TPRG1: variants seen among roughly 807,000 people sequenced by gnomAD.
TPRG1 encodes the protein tumor protein p63 regulated 1.
TPRG1 carries 29 observed loss-of-function variants against 29.3 expected under a neutral mutation model. The ratio of observed to expected loss-of-function variants is 0.99; its 90% CI spans 0.74 to 1.35. The LOEUF is 1.35. TPRG1 is among the 40% of genes most tolerant of loss of function. The probability of loss-of-function intolerance (pLI) is 0.00; values close to 1 mark genes in which losing one functional copy is unlikely to be tolerated. For missense variants in TPRG1, 327 were observed against 335.0 expected (o/e 0.98, Z 0.19); for synonymous variants, 130 against 116.8 (o/e 1.11, Z -0.73).
At chr3:189,187,333 G>C (rs1413191458) in intron 1 of TPRG1, among the ~76,000 whole-genome samples, 1 of 151,060 alleles carries the variant, frequency 6.6e-6, no homozygotes, top group East Asian at 2.0e-4. Context: ...TTGAGATGGA[G>C]TCTCACTCTG....
At chr3:189,214,958 A>AGTTAT (rs1735801643) in intron 2 of TPRG1, among the ~76,000 whole-genome samples, 1 of 136,646 alleles carries the variant, frequency 7.3e-6, no homozygotes, top group Admixed American at 8.5e-5. Context: ...AAAAGGTTTA[A>AGTTAT]TTTAAAAATG....
chr3:189,133,729 A>T (rs1175317390), intron 3 of TPRG1, among the ~76,000 whole-genome samples: 2 of 152,206 alleles, frequency 1.3e-5, no homozygotes, highest in African/African-American at 4.8e-5. Context: ...ACAAACTAAC[A>T]CATGGCTCCT....
At chr3:189,018,173 T>C (rs1173492106) in intron 3 of TPRG1, among the ~76,000 whole-genome samples, 7 of 150,758 alleles carry the variant, frequency 4.6e-5, no homozygotes, top group Admixed American at 1.3e-4. Context: ...TCTCCCATTT[T>C]GTAGGTTGCC....
At chr3:189,162,253 A>G (rs925594160) in intron 5 of TPRG1, among the ~76,000 whole-genome samples, 2 of 152,154 alleles carry the variant, frequency 1.3e-5, no homozygotes, top group African/African-American at 4.8e-5. Flanking sequence ...TCAGCCTCCC[A>G]AAGTGCTGGG....
At chr3:189,005,039 G>C (rs997527016) in intron 3 of TPRG1, among the ~76,000 whole-genome samples, 2 of 152,008 alleles carry the variant, frequency 1.3e-5, no homozygotes, top group South Asian at 2.1e-4. Context: ...ATATTTATGG[G>C]ATCTAAAAAT....
At chr3:189,205,577 A>G (rs1303809466) in intron 1 of TPRG1, among the ~76,000 whole-genome samples, 1 of 152,242 alleles carries the variant, frequency 6.6e-6, no homozygotes, top group Admixed American at 6.5e-5. Context: ...CTTTTGTTTC[A>G]CAAGAACCAA....
At chr3:189,184,190 C>T (rs986910632) in intron 1 of TPRG1, among the ~76,000 whole-genome samples, 2 of 152,122 alleles carry the variant, frequency 1.3e-5, no homozygotes, top group African/African-American at 4.8e-5. Flanking sequence ...TGACCCTGGG[C>T]AAGCTCCTTA....
intron 2 of TPRG1, among the ~76,000 whole-genome samples, chr3:189,128,193 C>T (rs1034468681): frequency 3.9e-5 from 6 of 152,146 alleles, no homozygotes; most frequent in Admixed American, 6.5e-5. Context: ...TTAATGAATT[C>T]GTTTTGCTAG....
intron 5 of TPRG1, among the ~76,000 whole-genome samples, chr3:189,159,520 T>C (rs969033046): frequency 6.6e-6 from 1 of 152,188 alleles, no homozygotes; most frequent in Non-Finnish European, 1.5e-5. Flanking sequence ...CCTTATGATC[T>C]CGTACAACTC....
intron 1 of TPRG1, among the ~76,000 whole-genome samples, chr3:189,176,342 C>T (rs115214463): frequency 5.9e-5 from 9 of 152,208 alleles, no homozygotes; most frequent in East Asian, 1.9e-4. Context: ...TCAATTCAAA[C>T]GTCTATTCAA....
chr3:189,150,085 T>C (rs561526183), intron 4 of TPRG1, among the ~76,000 whole-genome samples: 1 of 152,348 alleles, frequency 6.6e-6, no homozygotes, highest in African/African-American at 2.4e-5. Flanking sequence ...GAGTTGGGGC[T>C]GTTCTATGTT....
chr3:189,008,011 AC>A (rs760528496), intron 3 of TPRG1, among the ~76,000 whole-genome samples: 6 of 151,180 alleles, frequency 4.0e-5, no homozygotes, highest in Non-Finnish European at 8.8e-5. Flanking sequence ...ACTAACCTGC[AC>A]AATGTGCACA....
rs1722303822 is a variant in TPRG1 at position 189,310,446 on chromosome 3, C to T, written c.540C>T (p.Ser180=). 3 of 1,612,180 alleles carry T rather than the reference C, an allele frequency of 1.9e-6. No homozygotes were observed. The highest frequency in any genetic ancestry group is 2.5e-6 in the Non-Finnish European group (3 of 1,179,066). ...WGSPEEQSLL[S]RWNPWSTEVP... is the part of the protein sequence containing the mutation. ...GTCCGGAGGAGCAGTCTCTTCTGTC[C>T]CGCTGGAACCCATGGTCCACTGAAG... Residue 180 remains serine (S), a synonymous_variant, in exon 5 of 6, where the codon TCC becomes TCT. Transcript: ENST00000345063.
chr3:189,216,782 AC>A (rs1250577893), intron 3 of TPRG1, among the ~76,000 whole-genome samples: 1 of 152,170 alleles, frequency 6.6e-6, no homozygotes, highest in Non-Finnish European at 1.5e-5. Flanking sequence ...TTCCTAATTC[AC>A]TTTTACCAAC....
chr3:189,037,910 A>G (rs1185013982), intron 4 of TPRG1, among the ~76,000 whole-genome samples: 2 of 151,190 alleles, frequency 1.3e-5, no homozygotes, highest in Non-Finnish European at 3.0e-5. Flanking sequence ...CATCTCTATC[A>G]AAAGGCATAC....
chr3:189,114,296 T>A (rs1163276245), intron 1 of TPRG1, among the ~76,000 whole-genome samples: 1 of 144,658 alleles, frequency 6.9e-6, no homozygotes, highest in African/African-American at 2.7e-5. Context: ...TGTTTGTTTG[T>A]TTTAAGATGG....
chr3:189,194,410 C>A (rs1158171082), intron 1 of TPRG1, among the ~76,000 whole-genome samples: 1 of 152,194 alleles, frequency 6.6e-6, no homozygotes, highest in Non-Finnish European at 1.5e-5. Context: ...GTAATCATAG[C>A]AGCTGTGGTG....
intron 1 of TPRG1, among the ~76,000 whole-genome samples, chr3:189,183,607 G>A (rs2108707606): frequency 6.6e-6 from 1 of 152,072 alleles, no homozygotes; most frequent in East Asian, 1.9e-4. Flanking sequence ...CCACCCCCAG[G>A]CACATATTCT....
intron 3 of TPRG1, among the ~76,000 whole-genome samples, chr3:189,233,369 G>T (rs1355747734): frequency 2.0e-5 from 3 of 152,128 alleles, no homozygotes; most frequent in Non-Finnish European, 4.4e-5. Flanking sequence ...TTGAGTAACT[G>T]GGTGTGGGCA....
Sources: allele counts gnomAD v4.1 joint callset (sites outside exome capture counted in the v4.1 genomes callset), GRCh38; gene constraint gnomAD v4.1.1; transcripts MANE v1.5; gene names NCBI Gene and HGNC (gene_info 2026-07-23, HGNC 2026-07-21).